The following FHOD3 variants were observed in gnomAD, a reference collection of about 807,000 sequenced individuals.
FHOD3 encodes FH1/FH2 domain-containing protein 3.
A neutral mutation model predicts 173.0 loss-of-function variants in FHOD3; 90 were observed. The ratio of observed to expected loss-of-function variants is 0.52; its 90% CI spans 0.44 to 0.62. The LOEUF is 0.62. Among genes scored for constraint, FHOD3 ranks in the 20% least tolerant of loss-of-function variants. The pLI, the probability that FHOD3 is intolerant of heterozygous loss-of-function variation, is 0.00. For missense variants in FHOD3, 1,945 were observed against 2,034.7 expected, an observed-to-expected ratio of 0.96 and a Z score of 0.85; for synonymous variants, 828 against 823.0, an observed-to-expected ratio of 1.01 and a Z score of -0.10.
At chr18:36,298,072 C>T (rs1399783848) in intron 1 of FHOD3, 72 bp downstream of exon 1, 7 of 1,348,088 alleles carry the variant, frequency 5.2e-6, no homozygotes, top group African/African-American at 3.1e-5. Context: ...GGGTGGGTCC[C>T]GGGGCTTCGT....
At chr18:36,451,173 A>C (rs1009141557) in intron 3 of FHOD3, among the ~76,000 whole-genome samples, 5 of 152,260 alleles carry the variant, frequency 3.3e-5, no homozygotes, top group Non-Finnish European at 7.3e-5. Context: ...TGAAAAACTA[A>C]ATACTGATGA....
At chr18:36,692,950 C>T in intron 16 of FHOD3, 1 of 529,610 alleles carries the variant, frequency 1.9e-6, no homozygotes, top group Non-Finnish European at 3.4e-6. Flanking sequence ...TAGGATTCTG[C>T]AGCAGTGATC....
intron 3 of FHOD3, among the ~76,000 whole-genome samples, chr18:36,487,858 A>G (rs2145692595): frequency 1.3e-5 from 2 of 151,838 alleles, no homozygotes; most frequent in Admixed American, 1.3e-4. Flanking sequence ...AATACAGAGG[A>G]AAGTGTCAGG....
chr18:36,462,801 A>G (rs944862525), intron 3 of FHOD3, among the ~76,000 whole-genome samples: 1 of 152,296 alleles, frequency 6.6e-6, no homozygotes, highest in East Asian at 1.9e-4. Context: ...ATTTTTAAAT[A>G]TATTTCATAG....
At chr18:36,687,506 C>CATTCCTTCATGGA (rs2038702103) in intron 16 of FHOD3, among the ~76,000 whole-genome samples, 3 of 152,212 alleles carry the variant, frequency 2.0e-5, no homozygotes, top group Non-Finnish European at 1.5e-5. Flanking sequence ...TTTTATGTCA[C>CATTCCTTCATGGA]ATGGTCAGCA....
intron 28 of FHOD3, 87 bp from the exon 29 acceptor site, chr18:36,779,361 G>A: frequency 1.7e-6 from 2 of 1,176,522 alleles, no homozygotes; most frequent in Non-Finnish European, 2.5e-6. Flanking sequence ...GAGAAGGGGG[G>A]ACTGGAGTCT....
At chr18:36,596,321 A>ATTTTTTTTTTTTTTTTTTT (rs539907617) in intron 7 of FHOD3, among the ~76,000 whole-genome samples, 1 of 57,496 alleles carries the variant, frequency 1.7e-5, no homozygotes, top group Non-Finnish European at 3.0e-5. Flanking sequence ...TGCCCAGCTA[A>ATTTTTTTTTTTTTTTTTTT]TTTTTTTTTT....
chr18:36,748,387 ACACACACACACACACAC>A (rs2042255019), intron 24 of FHOD3, among the ~76,000 whole-genome samples: 1 of 105,910 alleles, frequency 9.4e-6, no homozygotes, highest in African/African-American at 3.5e-5. Context: ...CACACAACAC[ACACACACACACACACAC>A]ACACACACAC....
chr18:36,362,385 G>C (rs1323007969), intron 2 of FHOD3, among the ~76,000 whole-genome samples: 1 of 152,232 alleles, frequency 6.6e-6, no homozygotes, highest in African/African-American at 2.4e-5. Context: ...TAGGGGAATA[G>C]TGCACAGAAT....
chr18:36,664,578 G>GGCTGT (rs780381042), intron 14 of FHOD3, among the ~76,000 whole-genome samples: 4 of 152,112 alleles, frequency 2.6e-5, no homozygotes, highest in Admixed American at 6.5e-5. Context: ...AGGGAACCTG[G>GGCTGT]GCTGTGCTGT....
intron 6 of FHOD3, among the ~76,000 whole-genome samples, chr18:36,588,857 A>G (rs550565102): frequency 9.2e-5 from 14 of 152,330 alleles, no homozygotes; most frequent in African/African-American, 2.6e-4. Context: ...GGGTTGACCT[A>G]GAAAATAAAA....
chr18:36,298,055 C>A (rs558394027), intron 1 of FHOD3, 55 bp downstream of exon 1: 2 of 1,395,272 alleles, frequency 1.4e-6, no homozygotes, highest in East Asian at 3.1e-5. Flanking sequence ...TGCCGCGGTG[C>A]GCGCCGGGGT....
At chr18:36,501,069 C>T (rs1048074761) in intron 3 of FHOD3, among the ~76,000 whole-genome samples, 1 of 152,198 alleles carries the variant, frequency 6.6e-6, no homozygotes, top group African/African-American at 2.4e-5. Context: ...ATGGTGATCT[C>T]TGGAGGATGG....
intron 9 of FHOD3, among the ~76,000 whole-genome samples, chr18:36,613,202 C>G (rs887259353): frequency 2.0e-5 from 3 of 152,214 alleles, no homozygotes; most frequent in African/African-American, 7.2e-5. Context: ...CACCAGTCTA[C>G]CAGAATCTGT....
chr18:36,742,677 A>G (rs2150062782), intron 21 of FHOD3, 60 bp from the exon 22 acceptor site: 1 of 1,563,272 alleles, frequency 6.4e-7, no homozygotes, highest in Non-Finnish European at 8.7e-7. Context: ...AAAAAGTCAG[A>G]AGAACAAAGT....
Position 36,521,501 on chromosome 18 carries a change from T to G in FHOD3, c.511+8958T>G, listed in dbSNP as rs77683594. On this transcript the variant is annotated intron_variant, in intron 5 of 28. Coordinates refer to ENST00000590592, the MANE Select transcript of FHOD3 (RefSeq NM_001281740.3). ...CACCCTAGGGTCCTCCTAACCCCTT[T>G]CTCTCATTCATTCTTTGTAATCATC... 3.2e-3 allele frequency among the ~76,000 whole-genome samples: 487 copies of G among 152,256 alleles called. 27 individuals carry two copies. The East Asian group carries it at 0.086, about 27-fold the overall frequency.
Position 36,693,313 on chromosome 18 carries a change from C to T in FHOD3, c.2126C>T (p.Pro709Leu), listed in dbSNP as rs1473119944. The change falls in exon 17 of 29, where the codon CCA becomes CTA. Residue 709 changes from proline to leucine, a missense_variant. Coordinates refer to ENST00000590592, the MANE Select transcript of FHOD3 (RefSeq NM_001281740.3). ...RADLSLDLTSPAAPACLAPLS... is the reference protein window; with the variant it reads ...RADLSLDLTSLAAPACLAPLS... ...GACCTCTCCTTGGACCTGACCTCGC[C>T]AGCAGCCCCAGCCTGCCTGGCTCCT... 8 of 1,613,746 alleles carry T rather than the reference C, an allele frequency of 5.0e-6. No individual in the cohort carries two copies. The highest frequency in any genetic ancestry group is 6.8e-6 in the Non-Finnish European group (8 of 1,179,856).
chr18:36,779,814 G>T lies in FHOD3; in HGVS notation c.*284G>T, dbSNP rs2043956331. 4 of 505,644 alleles carry T rather than the reference G, an allele frequency of 7.9e-6. No individual in the cohort carries two copies. Among genetic ancestry groups the T allele is most frequent in the Non-Finnish European group, 1.0e-5 (3 of 286,638 alleles). The allele number at this position is 505,644 out of a possible 1,614,324, so 31.3% of individuals were successfully genotyped here. On this transcript the variant is annotated 3_prime_UTR_variant, in exon 29 of 29. Transcript: ENST00000590592. The stretch of plus-strand genomic sequence containing the variant: ...AAGTGTGACACCTTTTCTGGGCAAG[G>T]AACAGCCCCTTTAAGGAGCAAATCA...
At chr18:36,376,635 A>G (rs879261461) in intron 3 of FHOD3, among the ~76,000 whole-genome samples, 9 of 152,228 alleles carry the variant, frequency 5.9e-5, no homozygotes, top group Admixed American at 5.9e-4. Flanking sequence ...CAGATGGTCA[A>G]GTCACAGGGA....
Sources: gnomAD v4.1 joint callset for allele counts (sites outside exome capture counted in the v4.1 genomes callset) on GRCh38, gnomAD v4.1.1 for gene constraint, MANE v1.5 for transcripts, NCBI Gene and HGNC (gene_info 2026-07-23, HGNC 2026-07-21) for gene names.